Variants in TGM6 observed in about 807,000 individuals in gnomAD.
TGM6 encodes the protein transglutaminase 6.
In TGM6, 74 loss-of-function variants were observed where a neutral mutation model predicts 77.5. The observed-to-expected ratio is 0.96, with a 90% confidence interval of 0.79 to 1.16. The LOEUF (loss-of-function observed/expected upper bound fraction) is 1.16. TGM6 is among the 50% of genes most tolerant of loss of function. TGM6 has a pLI of 0.00. For missense variants in TGM6, 968 were observed against 940.2 expected, an observed-to-expected ratio of 1.03 and a Z score of -0.39; for synonymous variants, 383 against 378.9, an observed-to-expected ratio of 1.01 and a Z score of -0.12.
chr20:2,417,818 A>G (rs991400061), intron 10 of TGM6, among the ~76,000 whole-genome samples: 17 of 152,262 alleles, frequency 1.1e-4, no homozygotes, highest in African/African-American at 4.1e-4. Context: ...TCTGATGAAG[A>G]TGTGATTTAT....
At chr20:2,428,197 C>A (rs755902754) in intron 10 of TGM6, among the ~76,000 whole-genome samples, 1 of 152,148 alleles carries the variant, frequency 6.6e-6, no homozygotes, top group Non-Finnish European at 1.5e-5. Context: ...GAGAAGAATG[C>A]GTATCCTGCT....
intron 1 of TGM6, among the ~76,000 whole-genome samples, chr20:2,390,533 A>C (rs571527820): frequency 6.6e-6 from 1 of 152,336 alleles, no homozygotes; most frequent in East Asian, 1.9e-4. Context: ...TATATTTAAG[A>C]AATATTTGTT....
rs566673079 is a variant in TGM6, at chr20:2,394,545, G to A, written c.101G>A (p.Arg34Lys). 1.2e-6 allele frequency: 2 copies of A among 1,612,062 alleles called. No homozygotes were observed. The highest frequency in any genetic ancestry group is 1.1e-5 in the South Asian group (1 of 90,960). Residue 34 changes from arginine to lysine, a missense_variant, in exon 2 of 13, where the codon AGG becomes AAG. Arg to Lys is a conservative substitution (Grantham distance 26). Transcript: ENST00000202625. ...EYPCPELVVR[R>K]GQSFSLTLEL... is the part of the protein sequence containing the mutation. Reference sequence around the variant, plus strand: ...CCCTGCCCTGAGCTGGTGGTTCGCAGGGGCCAGTCGTTCAGCCTCACGCTG... The same window carrying A: ...CCCTGCCCTGAGCTGGTGGTTCGCAAGGGCCAGTCGTTCAGCCTCACGCTG...
chr20:2,399,560 G>A lies in TGM6; in HGVS notation c.673-1G>A, dbSNP rs1026525677. On this transcript the variant is annotated splice_acceptor_variant, in intron 5 of 12. Coordinates refer to ENST00000202625, the MANE Select transcript of TGM6 (RefSeq NM_198994.3). LOFTEE classifies it high-confidence loss of function. The stretch of plus-strand genomic sequence containing the variant: ...GTGGACCCGTGCCCTCCTCTGCCCA[G>A]GTGAACAGCAACAACGACCGAGGTG... The A allele has an allele frequency of 6.2e-7, 1 of 1,612,596 alleles. No homozygotes were observed.
Position 2,427,515 on chromosome 20 carries a change from A to G in TGM6, c.1679-2931A>G, listed in dbSNP as rs193149117. On this transcript the variant is annotated intron_variant, in intron 10 of 12. Transcript: ENST00000202625. Reference sequence around the variant, plus strand: ...GCTTTTGGTTTTGGTGATTTTCTCTATTGATCTCTGATTTTCAATTTTACT... The same window carrying G: ...GCTTTTGGTTTTGGTGATTTTCTCTGTTGATCTCTGATTTTCAATTTTACT... Among the ~76,000 whole-genome samples, 115 of 152,010 alleles carry G rather than the reference A, an allele frequency of 7.6e-4. 2 individuals carry two copies. Among genetic ancestry groups the G allele is most frequent in the Non-Finnish European group, 4.6e-4 (31 of 67,972 alleles).
chr20:2,391,107 C>T (rs1428552672), intron 1 of TGM6, among the ~76,000 whole-genome samples: 1 of 132,636 alleles, frequency 7.5e-6, no homozygotes, highest in Non-Finnish European at 1.7e-5. Flanking sequence ...CTTCTGGCTT[C>T]CATGTTGAGA....
chr20:2,425,353 A>G (rs1365231950), intron 10 of TGM6, among the ~76,000 whole-genome samples: 1 of 86,606 alleles, frequency 1.2e-5, no homozygotes, highest in African/African-American at 5.0e-5. Context: ...TGTCTTAAAG[A>G]AAAAAAAAAA....
At position 2,395,913 on chromosome 20, in the gene TGM6, G is replaced by A. The variant is rs1036640298; in HGVS notation, c.424+477G>A. On this transcript the variant is annotated intron_variant, in intron 3 of 12. Transcript: ENST00000202625. The stretch of plus-strand genomic sequence containing the variant: ...TTAAGAAATATGGCCGGGTGCAGTG[G>A]CTCACGCCTGTAACCCCAGCACTTT... Among the ~76,000 whole-genome samples the A allele has an allele frequency of 4.6e-5, 7 of 152,216 alleles. 1 individual carries two copies. Among genetic ancestry groups the A allele is most frequent in the Admixed American group, 4.6e-4 (7 of 15,288 alleles).
At chr20:2,383,859 G>A (rs73082692) in intron 1 of TGM6, among the ~76,000 whole-genome samples, 20,684 of 152,032 alleles carry the variant, frequency 0.14, 1,736 homozygotes, top group South Asian at 0.32. Context: ...TGTCATCATA[G>A]CACTTTGCGA....
chr20:2,398,136 C>A, intron 5 of TGM6, 90 bp downstream of exon 5: 1 of 1,604,364 alleles, frequency 6.2e-7, no homozygotes, highest in Non-Finnish European at 8.5e-7. Flanking sequence ...TCCCATCACC[C>A]CTTGTTTTAA....
chr20:2,417,697 A>G, intron 10 of TGM6, 124 bp downstream of exon 10: 1 of 1,157,240 alleles, frequency 8.6e-7, no homozygotes, highest in East Asian at 2.6e-5. Flanking sequence ...ATTCCTGAGC[A>G]TTGTGCTCAG....
chr20:2,429,867 C>T (rs1057005498), intron 10 of TGM6, among the ~76,000 whole-genome samples: 29 of 152,096 alleles, frequency 1.9e-4, no homozygotes, highest in African/African-American at 6.8e-4. Flanking sequence ...ACAGAGATGG[C>T]CAGGACCACA....
chr20:2,396,430 T>A, intron 3 of TGM6, 76 bp from the exon 4 acceptor site: 1 of 1,453,834 alleles, frequency 6.9e-7, no homozygotes, highest in Non-Finnish European at 9.7e-7. Flanking sequence ...CTGCTGCTGA[T>A]CCCTGATGCA....
chr20:2,416,947 A>C lies in TGM6; in HGVS notation c.1337-285A>C, dbSNP rs77558422. On this transcript the variant is annotated intron_variant, in intron 9 of 12. Coordinates refer to ENST00000202625, the MANE Select transcript of TGM6 (RefSeq NM_198994.3). The stretch of plus-strand genomic sequence containing the variant: ...CTGTAGTACCTCCTAGAGAAAAAAA[A>C]TATAGCACCAAGTGCTATAGTACAC... Among the ~76,000 whole-genome samples, 24,862 of 152,160 alleles carry C rather than the reference A, an allele frequency of 0.16. 2,151 individuals are homozygous for C. Among genetic ancestry groups the C allele is most frequent in the East Asian group, 0.25 (1,294 of 5,170 alleles).
At chr20:2,400,686 TG>T (rs1239651617) in intron 7 of TGM6, among the ~76,000 whole-genome samples, 2 of 139,012 alleles carry the variant, frequency 1.4e-5, no homozygotes, top group African/African-American at 5.4e-5. Flanking sequence ...TTGATTGCCT[TG>T]AACGCCCGGT....
At chr20:2,426,146 C>A (rs1052209125) in intron 10 of TGM6, among the ~76,000 whole-genome samples, 2 of 152,138 alleles carry the variant, frequency 1.3e-5, no homozygotes, top group Non-Finnish European at 2.9e-5. Flanking sequence ...CATGGAATAT[C>A]TCTCCATTTA....
chr20:2,425,201 T>C (rs2084879690), intron 10 of TGM6, among the ~76,000 whole-genome samples: 2 of 151,944 alleles, frequency 1.3e-5, no homozygotes, highest in African/African-American at 2.4e-5. Context: ...AAAAAATACC[T>C]GCTGGGTGTG....
intron 10 of TGM6, among the ~76,000 whole-genome samples, chr20:2,425,172 C>T (rs531582331): frequency 5.9e-5 from 9 of 152,110 alleles, no homozygotes; most frequent in African/African-American, 2.2e-4. Context: ...AATACCCCAT[C>T]TCTACAAAAA....
chr20:2,423,712 A>G (rs1010085601), intron 10 of TGM6, among the ~76,000 whole-genome samples: 3 of 152,198 alleles, frequency 2.0e-5, no homozygotes, highest in African/African-American at 7.2e-5. Flanking sequence ...TAGAATGGTG[A>G]ATCTTTTCCA....
Sources: allele counts gnomAD v4.1 joint callset (sites outside exome capture counted in the v4.1 genomes callset), GRCh38; gene constraint gnomAD v4.1.1; transcripts MANE v1.5; gene names NCBI Gene and HGNC (gene_info 2026-07-23, HGNC 2026-07-21).